LIPA: variants seen among roughly 807,000 people sequenced by gnomAD.
LIPA encodes lipase A, lysosomal acid type.
In LIPA, 26 loss-of-function variants were observed where a neutral mutation model predicts 40.6. The ratio of observed to expected loss-of-function variants is 0.64; its 90% confidence interval spans 0.47 to 0.89. LIPA has a LOEUF of 0.89. LIPA is among the 40% of genes least tolerant of loss of function. The pLI, the probability that LIPA is intolerant of heterozygous loss-of-function variation, is 0.00. For synonymous variants in LIPA, 188 were observed against 168.4 expected, an observed-to-expected ratio of 1.12 and a Z score of -0.90; for missense variants, 455 against 479.6, an observed-to-expected ratio of 0.95 and a Z score of 0.48.
chr10:89,350,320 T>G (rs1010518557), intron 2 of LIPA, among the ~76,000 whole-genome samples: 20 of 151,718 alleles, frequency 1.3e-4, no homozygotes, highest in Non-Finnish European at 2.8e-4. Context: ...GTTACCTTTT[T>G]TTTTAAGACG....
chr10:89,383,992 C>A, intron 2 of LIPA: 1 of 1,614,186 alleles, frequency 6.2e-7, no homozygotes, highest in Non-Finnish European at 8.5e-7. Context: ...TGCCCTGAAG[C>A]TTCAGGATGA....
intron 1 of LIPA, among the ~76,000 whole-genome samples, chr10:89,312,575 G>A (rs1257923220): frequency 6.6e-6 from 1 of 152,070 alleles, no homozygotes; most frequent in Admixed American, 6.6e-5. Flanking sequence ...CCAGTTGACT[G>A]AGGCGGGCGG....
intron 1 of LIPA, among the ~76,000 whole-genome samples, chr10:89,287,014 C>T (rs891899819): frequency 3.3e-5 from 5 of 152,204 alleles, no homozygotes; most frequent in South Asian, 4.1e-4. Context: ...GCCCACAGCC[C>T]GGGATTCCTC....
intron 2 of LIPA, among the ~76,000 whole-genome samples, chr10:89,355,840 C>T (rs1300756296): frequency 1.3e-5 from 2 of 152,174 alleles, no homozygotes; most frequent in Admixed American, 6.5e-5. Flanking sequence ...AGCGCCATGG[C>T]ATTTTGCCAT....
chr10:89,216,738 T>C (rs1842632407), intron 8 of LIPA, among the ~76,000 whole-genome samples: 1 of 152,184 alleles, frequency 6.6e-6, no homozygotes, highest in Admixed American at 6.5e-5. Flanking sequence ...GACTTGAGTA[T>C]CTGTGAATTT....
intron 1 of LIPA, among the ~76,000 whole-genome samples, chr10:89,249,960 G>C (rs1843091087): frequency 6.6e-6 from 1 of 152,112 alleles, no homozygotes; most frequent in Non-Finnish European, 1.5e-5. Context: ...CAAGTCTTAA[G>C]AAATTGATTC....
At chr10:89,222,450 T>C in intron 8 of LIPA, 61 bp downstream of exon 8, 3 of 1,026,212 alleles carry the variant, frequency 2.9e-6, no homozygotes, top group South Asian at 1.3e-5. Context: ...AGGGTTTGCA[T>C]GCCCAGACCT....
At chr10:89,239,764 C>T (rs1227617294) in intron 3 of LIPA, among the ~76,000 whole-genome samples, 1 of 152,164 alleles carries the variant, frequency 6.6e-6, no homozygotes, top group East Asian at 1.9e-4. Context: ...CAGGATGGTG[C>T]TGGGCCATTT....
chr10:89,411,478 G>A (rs1841468812), intron 2 of LIPA, among the ~76,000 whole-genome samples: 1 of 152,158 alleles, frequency 6.6e-6, no homozygotes, highest in African/African-American at 2.4e-5. Flanking sequence ...ACTGAACGAG[G>A]TCTTACTAAT....
At chr10:89,369,054 C>T (rs1188318206) in intron 2 of LIPA, among the ~76,000 whole-genome samples, 1 of 152,140 alleles carries the variant, frequency 6.6e-6, no homozygotes, top group Admixed American at 6.5e-5. Context: ...ATTCATTAAG[C>T]TCAATGTCAA....
intron 1 of LIPA, among the ~76,000 whole-genome samples, chr10:89,333,851 C>A (rs143972240): frequency 4.9e-4 from 74 of 152,332 alleles, no homozygotes; most frequent in Middle Eastern, 3.4e-3. Context: ...CCCAGCTTAT[C>A]TGAATCCAGA....
chr10:89,222,367 G>A (rs1438157217), intron 8 of LIPA, 144 bp downstream of exon 8: 8 of 712,844 alleles, frequency 1.1e-5, no homozygotes, highest in African/African-American at 1.0e-4. Flanking sequence ...ACACAAGCAC[G>A]ATGACAAAAA....
In LIPA at chr10:89,410,073, C is replaced by G. The variant is rs542797516; in HGVS notation, c.61+2718G>C. Among the ~76,000 whole-genome samples, 10 of 152,264 alleles carry G rather than the reference C, an allele frequency of 6.6e-5. No homozygotes were observed. In the East Asian group the frequency reaches 1.2e-3, roughly 18 times the overall value. ...CCTTACTCAGACTCGTGGGACAACC[C>G]CATGACCAGTGGCATACCTAAGTAA... On this transcript the variant is annotated intron_variant, in intron 2 of 8. Coordinates refer to the LIPA transcript ENST00000371837.
intron 6 of LIPA, 85 bp from the exon 7 acceptor site, chr10:89,223,915 A>G (rs1240294832): frequency 2.9e-6 from 4 of 1,398,408 alleles, no homozygotes; most frequent in Non-Finnish European, 1.0e-6. Context: ...AAGCAGAGAC[A>G]AGTACCCAAT....
intron 2 of LIPA, among the ~76,000 whole-genome samples, chr10:89,360,436 C>T (rs1844015460): frequency 6.6e-6 from 1 of 152,202 alleles, no homozygotes; most frequent in Non-Finnish European, 1.5e-5. Context: ...ACATTTGGCT[C>T]ACCAAGATAA....
At chr10:89,414,508 A>G in exon 1 of LIPA, 1 of 399,674 alleles carries the variant, frequency 2.5e-6, no homozygotes, top group Non-Finnish European at 4.4e-6. Context: ...GCGGCTCTTG[A>G]GCTCTTCTAT....
chr10:89,230,939 CA>C (rs1309948838), intron 3 of LIPA, among the ~76,000 whole-genome samples: 1 of 152,146 alleles, frequency 6.6e-6, no homozygotes, highest in Non-Finnish European at 1.5e-5. Context: ...TCACAGTGAA[CA>C]AATGAGAGCT....
At chr10:89,410,548 A>T (rs1295454209) in intron 2 of LIPA, among the ~76,000 whole-genome samples, 2 of 152,226 alleles carry the variant, frequency 1.3e-5, no homozygotes, top group African/African-American at 2.4e-5. Flanking sequence ...ACCATACTTG[A>T]AAGTAAGCCT....
rs554018484 is a variant in LIPA, at chr10:89,384,617, G to A, written c.61+28174C>T. 9 of 1,614,134 alleles carry A rather than the reference G, an allele frequency of 5.6e-6. No homozygotes were observed. In the East Asian group the frequency reaches 8.9e-5, roughly 16 times the overall value. On this transcript the variant is annotated intron_variant, in intron 2 of 8. Transcript: ENST00000371837. ...AAAAGATGTATTCACCAGAATGTAC[G>A]GGTTGTGGAAAGTGTCAGCCTCCTT...
Sources: gnomAD v4.1 joint callset for allele counts (sites outside exome capture counted in the v4.1 genomes callset) on GRCh38, gnomAD v4.1.1 for gene constraint, MANE v1.5 for transcripts, NCBI Gene and HGNC (gene_info 2026-07-23, HGNC 2026-07-21) for gene names.